NCKAP1: variants seen among roughly 807,000 people sequenced by gnomAD.
The protein encoded by NCKAP1 is NCK associated protein 1.
Under a neutral mutation model 151.2 loss-of-function variants are expected in NCKAP1, and 21 were observed. The ratio of observed to expected loss-of-function variants is 0.14; its 90% CI spans 0.10 to 0.20. The LOEUF (loss-of-function observed/expected upper bound fraction) is 0.20. Ranked by LOEUF, NCKAP1 falls within the 10% of genes least tolerant of loss-of-function variation. The probability of loss-of-function intolerance (pLI) is 1.00; values close to 1 mark genes in which losing one functional copy is unlikely to be tolerated. For missense variants in NCKAP1, 933 were observed against 1,352.1 expected, an observed-to-expected ratio of 0.69 and a Z score of 4.86; for synonymous variants, 484 against 451.8, an observed-to-expected ratio of 1.07 and a Z score of -0.90.
intron 2 of NCKAP1, among the ~76,000 whole-genome samples, chr2:183,021,043 ACT>A (rs1326240531): frequency 2.0e-5 from 3 of 152,364 alleles, no homozygotes; most frequent in African/African-American, 7.2e-5. Flanking sequence ...CAAAGTAAAT[ACT>A]ACAAGTAAGT....
At chr2:182,996,619 A>G (rs1462289339) in intron 6 of NCKAP1, among the ~76,000 whole-genome samples, 1 of 152,128 alleles carries the variant, frequency 6.6e-6, no homozygotes, top group Non-Finnish European at 1.5e-5. Flanking sequence ...CACCACGCTC[A>G]GCTAATTTTT....
intron 15 of NCKAP1, among the ~76,000 whole-genome samples, chr2:182,971,275 TC>T (rs1161094981): frequency 1.3e-5 from 2 of 148,926 alleles, no homozygotes; most frequent in African/African-American, 4.9e-5. Flanking sequence ...GCGCCTGTAG[TC>T]CCAGCTACTT....
Position 182,952,772 on chromosome 2 carries a change from CTG to C in NCKAP1, c.2503+19_2503+20del, listed in dbSNP as rs764200706. On this transcript the variant is annotated intron_variant, in intron 22 of 30. Transcript: ENST00000361354. ...AATTAAGTGTTCTTCATTCTCTAAACTGTGGTATAGTACTATTCACCTGATAT... is the reference window on the plus strand; with the variant it reads ...AATTAAGTGTTCTTCATTCTCTAAACTGGTATAGTACTATTCACCTGATAT... The C allele has an allele frequency of 1.3e-6, 2 of 1,560,080 alleles. No homozygotes were observed. The highest frequency in any genetic ancestry group is 4.1e-5 in the Admixed American group (2 of 48,400).
At chr2:183,003,583 G>C (rs1698413023) in intron 2 of NCKAP1, among the ~76,000 whole-genome samples, 1 of 151,858 alleles carries the variant, frequency 6.6e-6, no homozygotes, top group African/African-American at 2.4e-5. Context: ...ATCTGAAAGT[G>C]TTAGGAAAAA....
At position 182,910,956 on chromosome 2, in the gene NCKAP1, C is replaced by T. The variant is rs1037359905; in HGVS notation, c.*14746G>A. ...TAAAAATAAAATCCTAAGCTCCCCC[C>T]CCACATTTGACTAAACAGACCCTCT... On this transcript the variant is annotated 3_prime_UTR_variant, in exon 31 of 31. Transcript: ENST00000361354. The T allele has an allele frequency of 2.0e-5, 3 of 147,974 alleles. No homozygotes were observed. The highest frequency in any genetic ancestry group is 7.4e-5 in the African/African-American group (3 of 40,596). 9.2% of individuals were successfully genotyped at this position (147,974 alleles called of 1,614,324 possible). A position where few individuals can be genotyped will look rare whatever the true frequency, so the allele number is the denominator to read the frequency against.
At chr2:183,032,164 T>G (rs1008750835) in intron 1 of NCKAP1, among the ~76,000 whole-genome samples, 1 of 152,178 alleles carries the variant, frequency 6.6e-6, no homozygotes, top group African/African-American at 2.4e-5. Flanking sequence ...ACCACTGATC[T>G]CCTCACTTTG....
rs770271787 is a variant in NCKAP1 at position 182,995,837 on chromosome 2, G to C, written c.605C>G (p.Ser202Cys). ...MMEEFVPHSK[S>C]LSDALISLQM... ...AAGAGAAATTAGTGCATCTGAAAGA[G>C]ACTAATTAAAATACGAAAAAAAAGC... Residue 202 changes from serine to cysteine, a missense_variant and splice_region_variant, in exon 7 of 31, where the codon TCT becomes TGT. Around this residue, in one of 2 missense-constraint regions of NCKAP1, gnomAD observed 607 missense variants for 795.0 expected, o/e 0.76. Transcript: ENST00000361354. The C allele has an allele frequency of 2.5e-6, 4 of 1,606,658 alleles. No individual in the cohort carries two copies. Among genetic ancestry groups the C allele is most frequent in the Non-Finnish European group, 3.4e-6 (4 of 1,173,936 alleles).
At chr2:182,987,470 A>G (rs918980758) in intron 9 of NCKAP1, among the ~76,000 whole-genome samples, 1 of 152,200 alleles carries the variant, frequency 6.6e-6, no homozygotes, top group South Asian at 2.1e-4. Context: ...TAAAAATGCA[A>G]ACTCATAATT....
intron 1 of NCKAP1, among the ~76,000 whole-genome samples, chr2:183,036,887 G>A (rs1328477346): frequency 1.3e-5 from 2 of 150,592 alleles, no homozygotes; most frequent in African/African-American, 2.5e-5. Flanking sequence ...TAAACTAAAC[G>A]GTAACATTCA....
At chr2:182,988,836 G>A (rs1698109055) in intron 9 of NCKAP1, among the ~76,000 whole-genome samples, 194 bp downstream of exon 9, 1 of 151,698 alleles carries the variant, frequency 6.6e-6, no homozygotes, top group South Asian at 2.1e-4. Context: ...TTTAATATGT[G>A]AAGTTACCTG....
chr2:183,020,464 CAAA>C (rs1179083096), intron 2 of NCKAP1, among the ~76,000 whole-genome samples: 6 of 71,570 alleles, frequency 8.4e-5, no homozygotes, highest in Admixed American at 1.6e-4. Flanking sequence ...GACCGTGTCC[CAAA>C]AAAAAAAAAA....
rs781194725 is a variant in NCKAP1 at position 182,953,085 on chromosome 2, A to G, written c.2372+28T>C. ...AGTACTTCATTACAAATTTTCCGCT[A>G]CTACAAATTTCTAAATGCATTCCTT... is the stretch of plus-strand genomic sequence containing the variant. On this transcript the variant is annotated intron_variant, in intron 21 of 30. Coordinates refer to ENST00000361354, the MANE Select transcript of NCKAP1 (RefSeq NM_013436.5). 7.7e-6 allele frequency: 12 copies of G among 1,562,368 alleles called. No homozygotes were observed. In the East Asian group the frequency reaches 2.5e-4, roughly 32 times the overall value.
intron 16 of NCKAP1, among the ~76,000 whole-genome samples, chr2:182,966,445 T>A (rs1439452142): frequency 6.6e-6 from 1 of 151,984 alleles, no homozygotes; most frequent in African/African-American, 2.4e-5. Context: ...CACCACCACG[T>A]CCGACTAATT....
chr2:183,031,763 G>A (rs541923730), intron 1 of NCKAP1, among the ~76,000 whole-genome samples: 6 of 152,220 alleles, frequency 3.9e-5, no homozygotes, highest in African/African-American at 1.2e-4. Context: ...TTCCAAAAAC[G>A]TGAGATAACT....
At chr2:182,935,525 AAGAG>A (rs929889967) in intron 24 of NCKAP1, 150 bp from the exon 25 acceptor site, 47 of 511,210 alleles carry the variant, frequency 9.2e-5, no homozygotes, top group African/African-American at 8.4e-4. Context: ...ATAATGATTA[AAGAG>A]AGAAAGATGT....
Position 182,921,526 on chromosome 2 carries a change from C to T in NCKAP1, c.*4176G>A, listed in dbSNP as rs1397917665. On this transcript the variant is annotated 3_prime_UTR_variant, in exon 31 of 31. Transcript: ENST00000361354. ...TTGTGGCCCTCATGTAAGAGGTGAC[C>T]AAGATGCACCTGCACCAAGAGCACC... The T allele has an allele frequency of 6.6e-6, 1 of 152,154 alleles. No individual in the cohort carries two copies. Among genetic ancestry groups the T allele is most frequent in the Non-Finnish European group, 1.5e-5 (1 of 68,062 alleles). The allele number at this position is 152,154 out of a possible 1,614,324, so 9.4% of individuals were successfully genotyped here.
chr2:182,917,189 A>T lies in NCKAP1; in HGVS notation c.*8513T>A, dbSNP rs1037924418. 3 of 152,182 alleles carry T rather than the reference A, an allele frequency of 2.0e-5. No individual in the cohort carries two copies. Among genetic ancestry groups the T allele is most frequent in the African/African-American group, 4.8e-5 (2 of 41,458 alleles). 9.4% of individuals were successfully genotyped at this position (152,182 alleles called of 1,614,324 possible). A position where few individuals can be genotyped will look rare whatever the true frequency, so the allele number is the denominator to read the frequency against. On this transcript the variant is annotated 3_prime_UTR_variant, in exon 31 of 31. Transcript: ENST00000361354. ...ATCCACATTCTACACTTAGGGAAACAAACTTGGAGAAGTTAAGTAATTTGT... is the reference window on the plus strand; with the variant it reads ...ATCCACATTCTACACTTAGGGAAACTAACTTGGAGAAGTTAAGTAATTTGT...
At chr2:183,032,410 A>C (rs115577249) in intron 1 of NCKAP1, among the ~76,000 whole-genome samples, 216 of 152,338 alleles carry the variant, frequency 1.4e-3, no homozygotes, top group African/African-American at 5.0e-3. Flanking sequence ...CATTGTGTGA[A>C]CATCAGAGCG....
chr2:182,991,063 T>C (rs1698161324), intron 8 of NCKAP1, among the ~76,000 whole-genome samples: 1 of 152,186 alleles, frequency 6.6e-6, no homozygotes, highest in South Asian at 2.1e-4. Context: ...TCCACCCTAA[T>C]ATCAAGTGAA....
Sources: gnomAD v4.1 joint callset for allele counts (sites outside exome capture counted in the v4.1 genomes callset) on GRCh38, gnomAD v4.1.1 for gene constraint, gnomAD v4.1.1 regional missense constraint, MANE v1.5 for transcripts, NCBI Gene and HGNC (gene_info 2026-07-23, HGNC 2026-07-21) for gene names.